Variants in BUB1B observed in about 807,000 individuals in gnomAD.
BUB1B encodes BUB1 mitotic checkpoint serine/threonine kinase B, also known as mitotic checkpoint serine/threonine-protein kinase BUB1 beta.
A neutral mutation model predicts 137.7 loss-of-function variants in BUB1B; 86 were observed. The observed-to-expected ratio is 0.62, with a 90% CI of 0.52 to 0.75. The LOEUF is 0.75. BUB1B is among the 30% of genes least tolerant of loss of function. The probability of loss-of-function intolerance (pLI) is 0.00; values close to 1 mark genes in which losing one functional copy is unlikely to be tolerated. For synonymous variants in BUB1B, 420 were observed against 417.9 expected, an observed-to-expected ratio of 1.00 and a Z score of -0.06; for missense variants, 1,130 against 1,236.9, an observed-to-expected ratio of 0.91 and a Z score of 1.30.
chr15:40,179,335 T>C (rs572594808), intron 5 of BUB1B, among the ~76,000 whole-genome samples: 2 of 152,256 alleles, frequency 1.3e-5, no homozygotes, highest in African/African-American at 4.8e-5. Flanking sequence ...TTTAGGTTGT[T>C]TGCACCTTCT....
At chr15:40,197,123 A>G (rs534106160) in intron 9 of BUB1B, among the ~76,000 whole-genome samples, 4 of 152,370 alleles carry the variant, frequency 2.6e-5, no homozygotes, top group African/African-American at 9.6e-5. Context: ...GCATATATGT[A>G]CATTCCATGC....
chr15:40,206,957 G>A (rs1005111586), intron 15 of BUB1B, among the ~76,000 whole-genome samples: 6 of 152,038 alleles, frequency 3.9e-5, no homozygotes, highest in African/African-American at 1.2e-4. Flanking sequence ...CTACAGGTGC[G>A]CACCATCATG....
At chr15:40,189,102 A>G (rs1216595107) in intron 8 of BUB1B, among the ~76,000 whole-genome samples, 4 of 151,846 alleles carry the variant, frequency 2.6e-5, no homozygotes, top group Non-Finnish European at 4.4e-5. Context: ...TAGATAATTT[A>G]CCAATTCTAG....
chr15:40,204,760 C>T (rs890753746), intron 14 of BUB1B, among the ~76,000 whole-genome samples: 1 of 151,856 alleles, frequency 6.6e-6, no homozygotes, highest in South Asian at 2.1e-4. Flanking sequence ...CCTCAGCCTC[C>T]CAATTAGCTG....
intron 5 of BUB1B, among the ~76,000 whole-genome samples, chr15:40,181,646 T>A (rs1428458511): frequency 2.0e-5 from 3 of 152,158 alleles, no homozygotes; most frequent in Admixed American, 2.0e-4. Flanking sequence ...AAGCTCTGTT[T>A]AACCATTTTT....
intron 4 of BUB1B, among the ~76,000 whole-genome samples, chr15:40,173,009 C>T (rs1221971619): frequency 2.0e-5 from 3 of 152,134 alleles, no homozygotes; most frequent in Non-Finnish European, 4.4e-5. Flanking sequence ...GGTGTGGTGG[C>T]TCCCACCTGT....
At chr15:40,170,474 G>C in intron 3 of BUB1B, 63 bp from the exon 4 acceptor site, 1 of 1,578,648 alleles carries the variant, frequency 6.3e-7, no homozygotes, top group Non-Finnish European at 8.7e-7. Flanking sequence ...AATGGGTCTT[G>C]GAGCAAGAAC....
In BUB1B at chr15:40,210,226, T is replaced by C; in HGVS notation, c.2385+16T>C. 6.5e-7 allele frequency: 1 copy of C among 1,547,414 alleles called. No individual in the cohort carries two copies. The highest frequency in any genetic ancestry group is 8.9e-7 in the Non-Finnish European group (1 of 1,119,816). On this transcript the variant is annotated intron_variant, in intron 18 of 22. Coordinates refer to ENST00000287598, the MANE Select transcript of BUB1B (RefSeq NM_001211.6). ...AGTAATAAAGGTGGGACTGATTCTT[T>C]ATAATTTCAGTTACTTTGTAAATAA...
At position 40,215,415 on chromosome 15, in the gene BUB1B, T is replaced by G. The variant is rs544019566; in HGVS notation, c.2678+1941T>G. On this transcript the variant is annotated intron_variant, in intron 20 of 22. Coordinates refer to ENST00000287598, the MANE Select transcript of BUB1B (RefSeq NM_001211.6). Reference sequence around the variant, plus strand: ...TGAACTCAGGAGGCAGAGGTTGTGGTGAACTGAGATCGCACCATTGTACTC... The same window carrying G: ...TGAACTCAGGAGGCAGAGGTTGTGGGGAACTGAGATCGCACCATTGTACTC... Among the ~76,000 whole-genome samples the G allele has an allele frequency of 9.9e-5, 15 of 151,872 alleles. No individual in the cohort carries two copies. The East Asian group carries it at 2.7e-3, about 28-fold the overall frequency.
Position 40,217,523 on chromosome 15 carries a change from G to A in BUB1B, c.2706G>A (p.Lys902=). 6.2e-7 allele frequency: 1 copy of A among 1,613,986 alleles called. No homozygotes were observed. The highest frequency in any genetic ancestry group is 8.5e-7 in the Non-Finnish European group (1 of 1,179,996). Residue 902 remains lysine (K), a synonymous_variant, in exon 21 of 23, where the codon AAG becomes AAA. Transcript: ENST00000287598. ...NRIHDPYDCN[K]NNQALKIVDF... is the part of the protein sequence containing the mutation. ...TCCACGATCCCTATGATTGTAACAA[G>A]AACAATCAAGCTTTGAAGATAGTGG...
intron 1 of BUB1B, among the ~76,000 whole-genome samples, chr15:40,164,317 C>T (rs1416726537): frequency 6.6e-6 from 1 of 151,938 alleles, no homozygotes; most frequent in Non-Finnish European, 1.5e-5. Context: ...CAGCTTCGAC[C>T]CCTGAACCCA....
Position 40,177,004 on chromosome 15 carries a change from G to T in BUB1B, c.581+331G>T, listed in dbSNP as rs576276454. On this transcript the variant is annotated intron_variant, in intron 5 of 22. Transcript: ENST00000287598. ...AACACTGATTTATTCTCCAGCCTGT[G>T]GTTTTGCCTTTTCCAGACTGCCATA... is the stretch of plus-strand genomic sequence containing the variant. Among the ~76,000 whole-genome samples the T allele has an allele frequency of 7.9e-5, 12 of 152,212 alleles. No individual in the cohort carries two copies. In the South Asian group the frequency reaches 2.5e-3, roughly 32 times the overall value.
In BUB1B at chr15:40,183,794, TACC is replaced by T. The variant is rs767511302; in HGVS notation, c.665_667del (p.Pro222del). ...GAGGAGGAAGTTTTTGAGTCTTCTG[TACC>T]ACAACGAAGCACACTAGCTGAACTA... On this transcript the variant is annotated inframe_deletion, in exon 6 of 23. Coordinates refer to ENST00000287598, the MANE Select transcript of BUB1B (RefSeq NM_001211.6). 6 of 1,613,968 alleles carry T rather than the reference TACC, an allele frequency of 3.7e-6. No individual in the cohort carries two copies. In the African/African-American group the frequency reaches 6.7e-5, roughly 18 times the overall value.
At chr15:40,185,773 C>G in intron 8 of BUB1B, 131 bp downstream of exon 8, 1 of 850,090 alleles carries the variant, frequency 1.2e-6, no homozygotes, top group South Asian at 1.4e-5. Context: ...TAGCTCACAC[C>G]TGTAATCCCA....
chr15:40,208,492 C>CA (rs754636148), intron 15 of BUB1B, 145 bp from the exon 16 acceptor site: 12 of 746,122 alleles, frequency 1.6e-5, no homozygotes, highest in Admixed American at 9.5e-5. Context: ...GAGCCAAGAT[C>CA]ATGCAGTTGT....
chr15:40,188,249 T>C (rs565343738), intron 8 of BUB1B, among the ~76,000 whole-genome samples: 115 of 152,264 alleles, frequency 7.6e-4, no homozygotes, highest in African/African-American at 2.6e-3. Flanking sequence ...GGTTTCACCA[T>C]GTTGGTCAGG....
At position 40,183,801 on chromosome 15, in the gene BUB1B, A is replaced by G. The variant is rs534752806; in HGVS notation, c.669A>G (p.Gln223=). Residue 223 remains glutamine (Q), a synonymous_variant, in exon 6 of 23, where the codon CAA becomes CAG. Transcript: ENST00000287598. ...EEEVFESSVP[Q]RSTLAELKSK... ...AAGTTTTTGAGTCTTCTGTACCACA[A>G]CGAAGCACACTAGCTGAACTAAAGA... The G allele has an allele frequency of 8.1e-6, 13 of 1,614,172 alleles. No homozygotes were observed. The highest frequency in any genetic ancestry group is 2.7e-5 in the African/African-American group (2 of 75,058).
intron 8 of BUB1B, among the ~76,000 whole-genome samples, chr15:40,191,158 G>A (rs1170248780): frequency 6.6e-6 from 1 of 152,150 alleles, no homozygotes; most frequent in Non-Finnish European, 1.5e-5. Flanking sequence ...AAAATGCTGG[G>A]ATTACAGGCA....
chr15:40,211,572 T>G (rs1280962073), intron 18 of BUB1B, among the ~76,000 whole-genome samples: 1 of 152,150 alleles, frequency 6.6e-6, no homozygotes, highest in Non-Finnish European at 1.5e-5. Context: ...AGGAAATTGG[T>G]CTGAAGAATA....
Sources: gnomAD v4.1 joint callset for allele counts (sites outside exome capture counted in the v4.1 genomes callset) on GRCh38, gnomAD v4.1.1 for gene constraint, MANE v1.5 for transcripts, NCBI Gene and HGNC (gene_info 2026-07-23, HGNC 2026-07-21) for gene names.